NUP133: variants seen among roughly 807,000 people sequenced by gnomAD.
NUP133 encodes nucleoporin 133.
A neutral mutation model predicts 146.2 loss-of-function variants in NUP133; 66 were observed. The ratio of observed to expected loss-of-function variants is 0.45; its 90% CI spans 0.37 to 0.55. NUP133 has a LOEUF of 0.55. Among genes scored for constraint, NUP133 ranks in the 20% least tolerant of loss-of-function variants. The pLI, the probability that NUP133 is intolerant of heterozygous loss-of-function variation, is 0.00. For synonymous variants in NUP133, 521 were observed against 498.8 expected (o/e 1.04, Z -0.59); for missense variants, 1,277 against 1,374.8 (o/e 0.93, Z 1.12).
chr1:229,496,914 A>G (rs1391638994), intron 6 of NUP133, among the ~76,000 whole-genome samples: 1 of 152,208 alleles, frequency 6.6e-6, no homozygotes, highest in East Asian at 1.9e-4. Context: ...AGCAAGGGAG[A>G]TATTATCAAT....
At chr1:229,449,510 G>C (rs1330065206) in intron 23 of NUP133, among the ~76,000 whole-genome samples, 2 of 151,668 alleles carry the variant, frequency 1.3e-5, no homozygotes, top group Non-Finnish European at 2.9e-5. Context: ...TGGGATTATA[G>C]GCACACACCA....
intron 14 of NUP133, 54 bp from the exon 15 acceptor site, chr1:229,470,858 A>T: frequency 6.6e-7 from 1 of 1,512,980 alleles, no homozygotes; most frequent in Non-Finnish European, 9.2e-7. Flanking sequence ...AACATGCAAA[A>T]TACCATAGCT....
intron 12 of NUP133, among the ~76,000 whole-genome samples, chr1:229,482,133 A>C (rs1186445145): frequency 2.0e-5 from 3 of 152,220 alleles, no homozygotes; most frequent in African/African-American, 7.2e-5. Flanking sequence ...AAAGAATATA[A>C]TTTTAAACAG....
chr1:229,453,933 AT>A lies in NUP133; in HGVS notation c.2981-1291del, dbSNP rs1199904311. Among the ~76,000 whole-genome samples the A allele has an allele frequency of 2.0e-5, 3 of 151,342 alleles. No individual in the cohort carries two copies. The East Asian group carries it at 5.8e-4, about 29-fold the overall frequency. On this transcript the variant is annotated intron_variant, in intron 21 of 25. Coordinates refer to ENST00000261396, the MANE Select transcript of NUP133 (RefSeq NM_018230.3). ...GTCTTTTTCTTAATTTTTTTTTGGTATATCTAGGCTACACAGTTATACATGG... is the reference window on the plus strand; with the variant it reads ...GTCTTTTTCTTAATTTTTTTTTGGTAATCTAGGCTACACAGTTATACATGG...
At chr1:229,482,569 A>G (rs188628010) in intron 12 of NUP133, among the ~76,000 whole-genome samples, 1 of 152,344 alleles carries the variant, frequency 6.6e-6, no homozygotes, top group Non-Finnish European at 1.5e-5. Flanking sequence ...CCTTTTAAGG[A>G]AAGTACCAGA....
At chr1:229,471,155 G>A (rs190604607) in intron 14 of NUP133, among the ~76,000 whole-genome samples, 25 of 151,994 alleles carry the variant, frequency 1.6e-4, no homozygotes, top group Admixed American at 1.3e-4. Flanking sequence ...TTGCTCTGTC[G>A]CCCAGGCTGG....
chr1:229,498,042 G>T, intron 6 of NUP133, 94 bp downstream of exon 6: 1 of 838,732 alleles, frequency 1.2e-6, no homozygotes. Context: ...ATAAGCTACT[G>T]TCCATATGGA....
At chr1:229,450,453 C>CT (rs1183085236) in intron 23 of NUP133, 72 bp downstream of exon 23, 1 of 714,426 alleles carries the variant, frequency 1.4e-6, no homozygotes, top group Non-Finnish European at 2.3e-6. Context: ...TCATGATTGA[C>CT]TAAAAGAGGG....
chr1:229,506,282 C>A, intron 1 of NUP133, 124 bp from the exon 2 acceptor site: 5 of 505,912 alleles, frequency 9.9e-6, no homozygotes, highest in South Asian at 3.1e-5. Context: ...TCATATTTAC[C>A]ATGTAATTAA....
intron 10 of NUP133, 63 bp from the exon 11 acceptor site, chr1:229,486,591 C>G (rs1661356729): frequency 6.8e-7 from 1 of 1,464,314 alleles, no homozygotes; most frequent in Non-Finnish European, 9.3e-7. Flanking sequence ...TATGTAAAAG[C>G]TACCACCCTA....
intron 1 of NUP133, among the ~76,000 whole-genome samples, chr1:229,507,627 CATT>C (rs1270304067): frequency 6.6e-6 from 1 of 152,296 alleles, no homozygotes; most frequent in East Asian, 1.9e-4. Context: ...GTATGTTAGG[CATT>C]AAACAATGAT....
chr1:229,484,407 G>A (rs1325376602), intron 11 of NUP133, among the ~76,000 whole-genome samples: 1 of 152,056 alleles, frequency 6.6e-6, no homozygotes, highest in Non-Finnish European at 1.5e-5. Context: ...GCAAGTTTAC[G>A]AATTTGTGTT....
At chr1:229,505,215 T>C (rs1391077866) in intron 2 of NUP133, among the ~76,000 whole-genome samples, 1 of 152,180 alleles carries the variant, frequency 6.6e-6, no homozygotes, top group Non-Finnish European at 1.5e-5. Context: ...GTCGCAGTAA[T>C]GCAATGCTTA....
rs1323524259 is a variant in NUP133 at position 229,484,101 on chromosome 1, CT to C, written c.1544del (p.Gln515ArgfsTer8). 1.2e-6 allele frequency: 2 copies of C among 1,613,532 alleles called. No homozygotes were observed. The highest frequency in any genetic ancestry group is 1.7e-6 in the Non-Finnish European group (2 of 1,179,676). ...ETTTKNETIAQEDKIKLLKAA... is the reference protein window; with the variant it reads ...ETTTKNETIAXEDKIKLLKAA... Reference sequence around the variant, plus strand: ...CTTTCAGCAACTTGATTTTATCTTCCTGGGCTATAGTTTCATTCTTTGTAGT... The same window carrying C: ...CTTTCAGCAACTTGATTTTATCTTCCGGGCTATAGTTTCATTCTTTGTAGT... On this transcript the variant is annotated frameshift_variant, in exon 12 of 26. Coordinates refer to ENST00000261396, the MANE Select transcript of NUP133 (RefSeq NM_018230.3). LOFTEE classifies it high-confidence loss of function.
At chr1:229,449,873 A>ATTT (rs71281043) in intron 23 of NUP133, among the ~76,000 whole-genome samples, 30 of 85,794 alleles carry the variant, frequency 3.5e-4, no homozygotes, top group African/African-American at 9.3e-4. Flanking sequence ...ATATATATAT[A>ATTT]TTTTTTTTTT....
At chr1:229,462,140 T>C (rs1571913536) in intron 19 of NUP133, among the ~76,000 whole-genome samples, 1 of 152,224 alleles carries the variant, frequency 6.6e-6, no homozygotes, top group East Asian at 1.9e-4. Context: ...CACCTCGGCC[T>C]CCCAAAGTGC....
chr1:229,457,330 G>C, intron 21 of NUP133, among the ~76,000 whole-genome samples: 1 of 151,984 alleles, frequency 6.6e-6, no homozygotes, highest in East Asian at 1.9e-4. Flanking sequence ...TTTCTTCACT[G>C]TCTTTCTATA....
intron 15 of NUP133, among the ~76,000 whole-genome samples, chr1:229,470,356 A>C (rs1215077369): frequency 6.6e-6 from 1 of 152,204 alleles, no homozygotes; most frequent in Non-Finnish European, 1.5e-5. Flanking sequence ...TGGGGGAAAA[A>C]AGTAAACAGG....
intron 1 of NUP133, among the ~76,000 whole-genome samples, chr1:229,506,449 G>GGT (rs1553261115): frequency 3.7e-5 from 4 of 107,412 alleles, no homozygotes; most frequent in African/African-American, 1.4e-4. Flanking sequence ...CTAGACCAGT[G>GGT]TTTTTTTTTT....
Sources: allele counts gnomAD v4.1 joint callset (sites outside exome capture counted in the v4.1 genomes callset), GRCh38; gene constraint gnomAD v4.1.1; transcripts MANE v1.5; gene names NCBI Gene and HGNC (gene_info 2026-07-23, HGNC 2026-07-21).